OPCML: variants seen among roughly 807,000 people sequenced by gnomAD.
OPCML encodes the protein opioid-binding protein/cell adhesion molecule.
In OPCML, 13 loss-of-function variants were observed where a neutral mutation model predicts 37.8. That is an observed-to-expected ratio of 0.34 (90% CI 0.22 to 0.55). The LOEUF is 0.55. Ranked by LOEUF, OPCML falls within the 20% of genes least tolerant of loss-of-function variation. The pLI, the probability that OPCML is intolerant of heterozygous loss-of-function variation, is 0.91. For synonymous variants in OPCML, 176 were observed against 168.8 expected, an observed-to-expected ratio of 1.04 and a Z score of -0.33; for missense variants, 341 against 435.6, an observed-to-expected ratio of 0.78 and a Z score of 1.93.
chr11:133,069,930 T>C (rs1410842051), intron 1 of OPCML, among the ~76,000 whole-genome samples: 1 of 152,130 alleles, frequency 6.6e-6, no homozygotes, highest in East Asian at 1.9e-4. Flanking sequence ...AAGAAAAAAC[T>C]CTAGGATCTC....
intron 1 of OPCML, among the ~76,000 whole-genome samples, chr11:133,039,096 C>T (rs1018695724): frequency 6.6e-6 from 1 of 152,206 alleles, no homozygotes; most frequent in Admixed American, 6.5e-5. Flanking sequence ...GATTTCACAA[C>T]TCCAAGGCCT....
intron 2 of OPCML, among the ~76,000 whole-genome samples, chr11:132,697,997 T>C (rs904935955): frequency 6.8e-6 from 1 of 146,628 alleles, no homozygotes; most frequent in African/African-American, 2.5e-5. Context: ...TTTATTTATT[T>C]ATTTATTTAT....
At chr11:133,293,935 C>CAA (rs1942556163) in intron 1 of OPCML, among the ~76,000 whole-genome samples, 3 of 134,834 alleles carry the variant, frequency 2.2e-5, no homozygotes, top group African/African-American at 8.0e-5. Flanking sequence ...CACACACACA[C>CAA]AAAAGCATCC....
At chr11:132,501,842 T>C (rs2096246311) in intron 4 of OPCML, among the ~76,000 whole-genome samples, 1 of 152,182 alleles carries the variant, frequency 6.6e-6, no homozygotes, top group Admixed American at 6.5e-5. Flanking sequence ...GTCTTAGCGA[T>C]GGGGAAGGGG....
At chr11:132,863,178 C>T (rs928122947) in intron 2 of OPCML, among the ~76,000 whole-genome samples, 8 of 152,246 alleles carry the variant, frequency 5.3e-5, no homozygotes, top group African/African-American at 9.6e-5. Context: ...TTGCATGGGG[C>T]GTGGCTCGGC....
chr11:133,204,921 T>G, intron 1 of OPCML, among the ~76,000 whole-genome samples: 1 of 141,646 alleles, frequency 7.1e-6, no homozygotes, highest in Non-Finnish European at 1.5e-5. Flanking sequence ...CATACACATT[T>G]AGATATGGTC....
At chr11:132,832,389 T>C (rs1225304049) in intron 2 of OPCML, among the ~76,000 whole-genome samples, 1 of 152,226 alleles carries the variant, frequency 6.6e-6, no homozygotes, top group Non-Finnish European at 1.5e-5. Flanking sequence ...TGTTAAACTT[T>C]AGAATCTTTC....
intron 1 of OPCML, among the ~76,000 whole-genome samples, chr11:133,293,143 G>A (rs1046739429): frequency 6.6e-6 from 1 of 152,106 alleles, no homozygotes; most frequent in Non-Finnish European, 1.5e-5. Context: ...TTAGATCTGG[G>A]TAGAATTTTT....
intron 1 of OPCML, among the ~76,000 whole-genome samples, chr11:132,980,308 T>G (rs928904497): frequency 6.6e-6 from 1 of 152,240 alleles, no homozygotes; most frequent in African/African-American, 2.4e-5. Context: ...AATATTCCCC[T>G]TACTTTCTTA....
intron 2 of OPCML, among the ~76,000 whole-genome samples, chr11:132,778,948 AGGT>A: frequency 7.0e-6 from 1 of 143,640 alleles, no homozygotes; most frequent in East Asian, 2.1e-4. Context: ...AATTACACTG[AGGT>A]GGTATATTTC....
At position 133,279,621 on chromosome 11, in the gene OPCML, C is replaced by T. The variant is rs72653409; in HGVS notation, c.61+252643G>A. 0.046 allele frequency among the ~76,000 whole-genome samples: 6,936 copies of T among 152,206 alleles called. 1,063 individuals carry two copies. The East Asian group carries it at 0.47, about 10-fold the overall frequency. ...AGCAGTTTTCAGACACGGCCCCTTCCTCTCACCACCTCCACCCCATGCCCG... is the reference window on the plus strand; with the variant it reads ...AGCAGTTTTCAGACACGGCCCCTTCTTCTCACCACCTCCACCCCATGCCCG... On this transcript the variant is annotated intron_variant, in intron 1 of 7. Transcript: ENST00000524381.
intron 4 of OPCML, among the ~76,000 whole-genome samples, chr11:132,501,627 A>T (rs987565924): frequency 3.3e-5 from 5 of 152,148 alleles, no homozygotes; most frequent in African/African-American, 1.2e-4. Flanking sequence ...AGAAATAATC[A>T]CCATAATAGT....
At chr11:133,484,369 A>G (rs1947484172) in intron 1 of OPCML, among the ~76,000 whole-genome samples, 1 of 152,142 alleles carries the variant, frequency 6.6e-6, no homozygotes, top group Non-Finnish European at 1.5e-5. Flanking sequence ...TTCTATATCT[A>G]GGTTTCTAAA....
chr11:133,350,219 G>A (rs935338269), intron 1 of OPCML, among the ~76,000 whole-genome samples: 5 of 152,202 alleles, frequency 3.3e-5, no homozygotes, highest in Admixed American at 3.3e-4. Flanking sequence ...AAATCAAAAG[G>A]AGAATATAAT....
chr11:132,585,966 T>C (rs1041296404), intron 3 of OPCML, among the ~76,000 whole-genome samples: 2 of 152,198 alleles, frequency 1.3e-5, no homozygotes, highest in Non-Finnish European at 1.5e-5. Context: ...AGAATCTGAA[T>C]TGACATTGTT....
chr11:132,907,476 T>A (rs1026059667), intron 2 of OPCML, among the ~76,000 whole-genome samples: 4 of 151,674 alleles, frequency 2.6e-5, no homozygotes, highest in Non-Finnish European at 5.9e-5. Flanking sequence ...ACTAAAAATA[T>A]AAAAATTAGC....
At chr11:132,508,688 C>T (rs757589398) in intron 4 of OPCML, among the ~76,000 whole-genome samples, 13 of 152,048 alleles carry the variant, frequency 8.5e-5, no homozygotes, top group Non-Finnish European at 1.3e-4. Flanking sequence ...TAGGGGTTTC[C>T]GCTTTTGCTT....
chr11:133,240,212 CAAAAAAAAAAAAA>C (rs35643678), intron 1 of OPCML, among the ~76,000 whole-genome samples: 6 of 66,046 alleles, frequency 9.1e-5, no homozygotes, highest in Admixed American at 6.2e-4. Context: ...ACACTTGGGG[CAAAAAAAAAAAAA>C]AAAAAAAAAA....
At chr11:132,703,710 C>T (rs1431769815) in intron 2 of OPCML, among the ~76,000 whole-genome samples, 1 of 152,160 alleles carries the variant, frequency 6.6e-6, no homozygotes. Context: ...AGAGAGCATA[C>T]CTGGAGCCTG....
Sources: gnomAD v4.1 joint callset for allele counts (sites outside exome capture counted in the v4.1 genomes callset) on GRCh38, gnomAD v4.1.1 for gene constraint, MANE v1.5 for transcripts, NCBI Gene and HGNC (gene_info 2026-07-23, HGNC 2026-07-21) for gene names.